The following FAM78B variants were observed in gnomAD, a reference collection of about 807,000 sequenced individuals.
The protein encoded by FAM78B is protein FAM78B.
In FAM78B, 10 loss-of-function variants were observed where a neutral mutation model predicts 20.0. The ratio of observed to expected loss-of-function variants is 0.50; its 90% CI spans 0.31 to 0.85. The LOEUF (loss-of-function observed/expected upper bound fraction) is 0.85, where lower values mean the gene tolerates loss of function less well. Among genes scored for constraint, FAM78B ranks in the 40% least tolerant of loss-of-function variants. FAM78B has a pLI of 0.05. For synonymous variants in FAM78B, 135 were observed against 132.8 expected (o/e 1.02, Z -0.12); for missense variants, 283 against 345.0 (o/e 0.82, Z 1.42).
chr1:166,099,680 G>A (rs915465474), intron 1 of FAM78B, among the ~76,000 whole-genome samples: 5 of 152,100 alleles, frequency 3.3e-5, no homozygotes, highest in Admixed American at 1.3e-4. Context: ...CAGACAAAGA[G>A]GGACATTATA....
chr1:166,121,146 T>C (rs1654452173), intron 1 of FAM78B, among the ~76,000 whole-genome samples: 1 of 152,216 alleles, frequency 6.6e-6, no homozygotes, highest in Non-Finnish European at 1.5e-5. Flanking sequence ...AGCCTACAAA[T>C]GCTAAATCAA....
At chr1:166,123,075 G>A (rs1276870887) in intron 1 of FAM78B, among the ~76,000 whole-genome samples, 2 of 152,210 alleles carry the variant, frequency 1.3e-5, no homozygotes, top group African/African-American at 4.8e-5. Context: ...CAGTGGCAGG[G>A]ACAGCAGAGC....
chr1:166,151,993 G>C (rs564328303), intron 1 of FAM78B, among the ~76,000 whole-genome samples: 1 of 152,312 alleles, frequency 6.6e-6, no homozygotes, highest in African/African-American at 2.4e-5. Context: ...TTTCAATTGT[G>C]ATTACGCAAC....
At chr1:166,090,736 ATCACT>A (rs1369954768) in intron 1 of FAM78B, among the ~76,000 whole-genome samples, 1 of 152,182 alleles carries the variant, frequency 6.6e-6, no homozygotes, top group Non-Finnish European at 1.5e-5. Flanking sequence ...ATTAGAGCAG[ATCACT>A]TCAATACAAT....
chr1:166,139,474 A>T (rs960037373), intron 1 of FAM78B, among the ~76,000 whole-genome samples: 13 of 152,192 alleles, frequency 8.5e-5, no homozygotes, highest in African/African-American at 3.1e-4. Context: ...AGTCTAGTGG[A>T]GACACCCGAG....
At chr1:166,097,698 A>AC (rs1416951884) in intron 1 of FAM78B, among the ~76,000 whole-genome samples, 1 of 151,750 alleles carries the variant, frequency 6.6e-6, no homozygotes, top group Admixed American at 6.6e-5. Context: ...TGGGAATCTT[A>AC]CCCCCATCCC....
rs754426728 is a variant in FAM78B at position 166,166,072 on chromosome 1, G to A, written c.177C>T (p.Pro59=). The change falls in exon 1 of 2, where the codon CCC becomes CCT. Residue 59 remains proline, a synonymous_variant. Transcript: ENST00000354422. Reference sequence around the variant, plus strand: ...CCACCCAGGTCTCGTGGCGGGGGATGGGGGGCATGACCACGCGGGCGGAGG... The same window carrying A: ...CCACCCAGGTCTCGTGGCGGGGGATAGGGGGCATGACCACGCGGGCGGAGG... The part of the protein sequence containing the change: ...FKASARVVMP[P]IPRHETWVVG... 6.2e-6 allele frequency: 10 copies of A among 1,613,750 alleles called. No homozygotes were observed. In the East Asian group the frequency reaches 8.9e-5, roughly 14 times the overall value.
intron 1 of FAM78B, chr1:166,087,047 G>T (rs1428174178): frequency 6.6e-6 from 1 of 152,078 alleles, no homozygotes; most frequent in East Asian, 1.9e-4. Context: ...ACACTACCGG[G>T]CGGCTATTAT....
intron 1 of FAM78B, among the ~76,000 whole-genome samples, chr1:166,133,195 T>C (rs1654939455): frequency 6.6e-6 from 1 of 152,168 alleles, no homozygotes; most frequent in Non-Finnish European, 1.5e-5. Flanking sequence ...ACTGGCTTCC[T>C]GGAGGAAGAA....
chr1:166,118,747 G>GATAAGAAAACTGAGGCCTTCAAAGTAA (rs1654356552), intron 1 of FAM78B, among the ~76,000 whole-genome samples: 1 of 152,066 alleles, frequency 6.6e-6, no homozygotes, highest in Non-Finnish European at 1.5e-5. Flanking sequence ...CCATTATACA[G>GATAAGAAAACTGAGGCCTTCAAAGTAA]ATAAGAAAAC....
chr1:166,083,799 C>CTT (rs33994343), intron 1 of FAM78B, among the ~76,000 whole-genome samples: 5 of 92,336 alleles, frequency 5.4e-5, no homozygotes, highest in African/African-American at 1.7e-4. Context: ...ACGCACCCAG[C>CTT]TTTTTTTTTT....
chr1:166,125,188 T>C (rs1273615370), intron 1 of FAM78B, among the ~76,000 whole-genome samples: 1 of 152,166 alleles, frequency 6.6e-6, no homozygotes, highest in Non-Finnish European at 1.5e-5. Context: ...ATTGAGCTAA[T>C]CCCTCAGTTT....
At chr1:166,086,190 C>T (rs574937626) in intron 1 of FAM78B, among the ~76,000 whole-genome samples, 14 of 151,994 alleles carry the variant, frequency 9.2e-5, no homozygotes, top group South Asian at 2.1e-4. Context: ...TCTGGCTCTC[C>T]GGTACCTTTG....
chr1:166,128,163 G>C (rs911242610), intron 1 of FAM78B, among the ~76,000 whole-genome samples: 4 of 152,128 alleles, frequency 2.6e-5, no homozygotes, highest in Non-Finnish European at 2.9e-5. Flanking sequence ...TTACCTATAG[G>C]AGCTAAACTT....
intron 1 of FAM78B, among the ~76,000 whole-genome samples, chr1:166,077,176 GA>G (rs1652308048): frequency 6.6e-6 from 1 of 152,106 alleles, no homozygotes; most frequent in African/African-American, 2.4e-5. Flanking sequence ...AGAAAAAAAC[GA>G]GAAGAAGTTG....
intron 1 of FAM78B, among the ~76,000 whole-genome samples, chr1:166,165,747 T>C (rs1045481679): frequency 6.6e-6 from 1 of 152,044 alleles, no homozygotes; most frequent in Non-Finnish European, 1.5e-5. Flanking sequence ...ACCTTTCTCC[T>C]CGCGTTTCTG....
At chr1:166,163,350 C>T (rs1214560700) in intron 1 of FAM78B, among the ~76,000 whole-genome samples, 2 of 152,248 alleles carry the variant, frequency 1.3e-5, no homozygotes, top group Non-Finnish European at 2.9e-5. Flanking sequence ...TAGCCATCAA[C>T]TATTTCAAAT....
chr1:166,158,637 A>G (rs1206418595), intron 1 of FAM78B, among the ~76,000 whole-genome samples: 1 of 152,180 alleles, frequency 6.6e-6, no homozygotes, highest in Non-Finnish European at 1.5e-5. Flanking sequence ...GCACAGGCAC[A>G]CTCACACCTT....
intron 1 of FAM78B, among the ~76,000 whole-genome samples, chr1:166,074,000 C>T (rs1395011356): frequency 6.6e-6 from 1 of 152,200 alleles, no homozygotes; most frequent in Admixed American, 6.5e-5. Context: ...GCATCTCTTA[C>T]CTGGTCTACT....
Sources: gnomAD v4.1 joint callset for allele counts (sites outside exome capture counted in the v4.1 genomes callset) on GRCh38, gnomAD v4.1.1 for gene constraint, MANE v1.5 for transcripts, NCBI Gene and HGNC (gene_info 2026-07-23, HGNC 2026-07-21) for gene names.